The following STPG2 variants were observed in gnomAD, a reference collection of about 807,000 sequenced individuals.
STPG2 encodes the protein sperm tail PG-rich repeat containing 2.
STPG2 carries 56 observed loss-of-function variants against 54.2 expected under a neutral mutation model. The observed-to-expected ratio is 1.03, with a 90% CI of 0.83 to 1.29. The LOEUF (loss-of-function observed/expected upper bound fraction) is 1.29. STPG2 is among the 50% of genes most tolerant of loss of function. STPG2 has a pLI of 0.00. For missense variants in STPG2, 596 were observed against 544.9 expected (o/e 1.09, Z -0.93); for synonymous variants, 200 against 181.8 (o/e 1.10, Z -0.81).
At chr4:97,658,340 ATAT>A (rs1421554494) in intron 10 of STPG2, among the ~76,000 whole-genome samples, 1 of 152,220 alleles carries the variant, frequency 6.6e-6, no homozygotes, top group East Asian at 1.9e-4. Flanking sequence ...AGCTCCAAAT[ATAT>A]TAAGTTCAAT....
chr4:97,712,745 C>T lies in STPG2; in HGVS notation c.1274G>A (p.Arg425His), dbSNP rs779688604. 51 of 1,609,076 alleles carry T rather than the reference C, an allele frequency of 3.2e-5. No individual in the cohort carries two copies. The highest frequency in any genetic ancestry group is 1.3e-4 in the East Asian group (6 of 44,616). Residue 425 changes from arginine (R) to histidine (H), a missense_variant, in exon 10 of 11, where the codon CGC becomes CAC. Physicochemically the swap from Arg to His is conservative, Grantham distance 29. Coordinates refer to ENST00000295268, the MANE Select transcript of STPG2 (RefSeq NM_174952.3). ...AGTAATCTCTTTGGACTCTTCAAAG[C>T]GCTTTGATGCTTTCACAAATAAGGG... Reference protein sequence around the residue: ...PIPLFVKASKRFEESKEITPG... With the variant: ...PIPLFVKASKHFEESKEITPG...
At chr4:97,905,250 C>A (rs993024135) in intron 8 of STPG2, among the ~76,000 whole-genome samples, 1 of 152,022 alleles carries the variant, frequency 6.6e-6, no homozygotes, top group Non-Finnish European at 1.5e-5. Context: ...AGACTAACAG[C>A]GGATGTCTCG....
chr4:97,578,844 T>C (rs1470554304), intron 10 of STPG2, among the ~76,000 whole-genome samples: 1 of 152,172 alleles, frequency 6.6e-6, no homozygotes, highest in East Asian at 1.9e-4. Context: ...AAGCACCTCG[T>C]TACTTAGGTA....
chr4:98,061,618 T>C (rs1727269), intron 5 of STPG2, among the ~76,000 whole-genome samples: 3 of 110,526 alleles, frequency 2.7e-5, no homozygotes, highest in Non-Finnish European at 4.0e-5. Context: ...AAAAAAAAAT[T>C]TTAAAAAGTG....
chr4:97,839,845 A>T (rs973617673), intron 9 of STPG2, among the ~76,000 whole-genome samples: 1 of 151,574 alleles, frequency 6.6e-6, no homozygotes, highest in East Asian at 1.9e-4. Flanking sequence ...TTCATTAAAA[A>T]CTTTGGAAAA....
In STPG2 at chr4:97,742,033, C is replaced by T. The variant is rs193197486; in HGVS notation, c.1205-29219G>A. ...TATACACCATGGAATACAATGCAGCCATACAAAATGATGAGTTCATGTCCT... is the reference window on the plus strand; with the variant it reads ...TATACACCATGGAATACAATGCAGCTATACAAAATGATGAGTTCATGTCCT... On this transcript the variant is annotated intron_variant, in intron 9 of 10. Coordinates refer to ENST00000295268, the MANE Select transcript of STPG2 (RefSeq NM_174952.3). Among the ~76,000 whole-genome samples the T allele has an allele frequency of 5.9e-3, 894 of 152,106 alleles. 5 individuals carry two copies. The highest frequency in any genetic ancestry group is 0.02 in the Middle Eastern group (6 of 294).
At chr4:97,579,163 T>C (rs1578402288) in intron 10 of STPG2, among the ~76,000 whole-genome samples, 1 of 152,082 alleles carries the variant, frequency 6.6e-6, no homozygotes, top group African/African-American at 2.4e-5. Context: ...ATAATAATAA[T>C]CATTAGTTAT....
At chr4:97,886,644 T>TCA (rs1730579648) in intron 8 of STPG2, among the ~76,000 whole-genome samples, 1 of 152,204 alleles carries the variant, frequency 6.6e-6, no homozygotes, top group Admixed American at 6.5e-5. Flanking sequence ...TTTCTACTCT[T>TCA]CACGTCAAAC....
intron 3 of STPG2, among the ~76,000 whole-genome samples, chr4:98,128,146 G>A (rs1739880914): frequency 6.6e-6 from 1 of 152,078 alleles, no homozygotes; most frequent in Non-Finnish European, 1.5e-5. Context: ...TTGACAACAA[G>A]GCCCTAGAGG....
chr4:98,029,659 A>G (rs75025019), intron 5 of STPG2, among the ~76,000 whole-genome samples: 15,256 of 152,218 alleles, frequency 0.1, 995 homozygotes, highest in South Asian at 0.15. Flanking sequence ...GAAGTATTAC[A>G]AAATCCTAGG....
intron 4 of STPG2, among the ~76,000 whole-genome samples, chr4:97,544,938 T>C (rs1731801861): frequency 6.6e-6 from 1 of 152,110 alleles, no homozygotes; most frequent in Admixed American, 6.6e-5. Context: ...AATCTGGTAC[T>C]ACGAATGACA....
intron 8 of STPG2, among the ~76,000 whole-genome samples, chr4:97,901,447 C>G (rs1731172927): frequency 6.6e-6 from 1 of 151,900 alleles, no homozygotes; most frequent in Non-Finnish European, 1.5e-5. Context: ...CTAAAGACTA[C>G]TGCCCCCCCA....
At chr4:97,559,830 T>C (rs1196148672) in intron 10 of STPG2, among the ~76,000 whole-genome samples, 1 of 152,202 alleles carries the variant, frequency 6.6e-6, no homozygotes, top group Non-Finnish European at 1.5e-5. Context: ...AAGATCAAAA[T>C]ATTTTAACCA....
At chr4:98,103,719 C>G (rs1739111906) in intron 5 of STPG2, among the ~76,000 whole-genome samples, 1 of 151,534 alleles carries the variant, frequency 6.6e-6, no homozygotes, top group Non-Finnish European at 1.5e-5. Flanking sequence ...AATCTCTATC[C>G]TTGGTATCTA....
At chr4:97,775,871 C>G (rs934000966) in intron 9 of STPG2, among the ~76,000 whole-genome samples, 4 of 152,128 alleles carry the variant, frequency 2.6e-5, no homozygotes, top group Non-Finnish European at 2.9e-5. Context: ...CAGTGATCCT[C>G]CTGCCTCAGC....
chr4:97,489,625 A>T (rs903861646), intron 4 of STPG2: 2 of 151,718 alleles, frequency 1.3e-5, no homozygotes, highest in Non-Finnish European at 3.0e-5. Context: ...TTGGGAAGAA[A>T]AGGGAAAGAA....
At chr4:97,753,893 G>C (rs532745797) in intron 9 of STPG2, among the ~76,000 whole-genome samples, 79 of 151,956 alleles carry the variant, frequency 5.2e-4, no homozygotes, top group Non-Finnish European at 8.5e-4. Context: ...AGTTTAAAGA[G>C]TTCTTTATAT....
At chr4:97,904,079 G>A (rs971941068) in intron 8 of STPG2, among the ~76,000 whole-genome samples, 3 of 152,214 alleles carry the variant, frequency 2.0e-5, no homozygotes, top group Admixed American at 1.3e-4. Context: ...TGGAAAGCTC[G>A]AACTGGGTGG....
intron 8 of STPG2, among the ~76,000 whole-genome samples, chr4:97,915,125 G>GTAAT (rs1180230309): frequency 6.6e-6 from 1 of 152,024 alleles, no homozygotes; most frequent in East Asian, 1.9e-4. Flanking sequence ...AGACTTACAG[G>GTAAT]TAATTTAAAT....
Sources: allele counts gnomAD v4.1 joint callset (sites outside exome capture counted in the v4.1 genomes callset), GRCh38; gene constraint gnomAD v4.1.1; transcripts MANE v1.5; gene names NCBI Gene and HGNC (gene_info 2026-07-23, HGNC 2026-07-21).